RAB23: variants seen among roughly 807,000 people sequenced by gnomAD.
RAB23 encodes ras-related protein Rab-23.
RAB23 carries 15 observed loss-of-function variants against 30.0 expected under a neutral mutation model. The observed-to-expected ratio is 0.50, with a 90% CI of 0.33 to 0.77. The LOEUF is 0.77. Among genes scored for constraint, RAB23 ranks in the 30% least tolerant of loss-of-function variants. RAB23 has a pLI of 0.02. For missense variants in RAB23, 243 were observed against 275.4 expected (o/e 0.88, Z 0.83); for synonymous variants, 93 against 94.0 (o/e 0.99, Z 0.06).
In RAB23 at chr6:57,210,422, G is replaced by A; in HGVS notation, c.-42C>T. 1 of 1,585,790 alleles carries A rather than the reference G, an allele frequency of 6.3e-7. No homozygotes were observed. Among genetic ancestry groups the A allele is most frequent in the Non-Finnish European group, 8.7e-7 (1 of 1,155,048 alleles). The stretch of plus-strand genomic sequence containing the variant: ...GTTTCTGTACCAACTCTAATTCTAG[G>A]AGATCAGATCTTCCCTCTCAAATCT... On this transcript the variant is annotated 5_prime_UTR_variant, in exon 2 of 7. Transcript: ENST00000468148.
chr6:57,194,939 T>C lies in RAB23; in HGVS notation c.399-87A>G. ...ATCACTTTTAATTACATTTACTGAATACAGTTTGGCAGGGAAGGGAGGGAA... is the reference window on the plus strand; with the variant it reads ...ATCACTTTTAATTACATTTACTGAACACAGTTTGGCAGGGAAGGGAGGGAA... On this transcript the variant is annotated intron_variant, in intron 4 of 6. Transcript: ENST00000468148. 3.9e-6 allele frequency: 4 copies of C among 1,022,790 alleles called. No homozygotes were observed. The South Asian group carries it at 5.4e-5, about 14-fold the overall frequency. 63.4% of individuals were successfully genotyped at this position (1,022,790 alleles called of 1,614,324 possible).
chr6:57,197,132 T>TTTTA (rs1309015211), intron 3 of RAB23, among the ~76,000 whole-genome samples: 3 of 152,214 alleles, frequency 2.0e-5, no homozygotes, highest in African/African-American at 7.2e-5. Flanking sequence ...TTGTTCATTC[T>TTTTA]ATTCACTTTT....
intron 5 of RAB23, among the ~76,000 whole-genome samples, 199 bp downstream of exon 5, chr6:57,194,571 C>T (rs373238346): frequency 6.6e-6 from 1 of 151,708 alleles, no homozygotes; most frequent in Non-Finnish European, 1.5e-5. Context: ...GAAAACCTTA[C>T]GAGGATGAAA....
chr6:57,204,652 A>G (rs774980332), intron 3 of RAB23, among the ~76,000 whole-genome samples: 29 of 152,186 alleles, frequency 1.9e-4, no homozygotes, highest in Non-Finnish European at 3.5e-4. Context: ...GCAGAAAACA[A>G]AAGATTTAAG....
chr6:57,204,507 G>A (rs920634190), intron 3 of RAB23, among the ~76,000 whole-genome samples: 1 of 152,058 alleles, frequency 6.6e-6, no homozygotes, highest in African/African-American at 2.4e-5. Flanking sequence ...TGTTTAAAGA[G>A]ACTTTGAAAA....
Position 57,189,731 on chromosome 6 carries a change from T to C in RAB23, c.*730A>G, listed in dbSNP as rs1340281091. ...TCTGATAGTAAAGCACTATAAAAAT[T>C]AGGTATGATATTTTTGGCACAAAGC... On this transcript the variant is annotated 3_prime_UTR_variant, in exon 7 of 7. Coordinates refer to ENST00000468148, the MANE Select transcript of RAB23 (RefSeq NM_016277.5). 3 of 152,674 alleles carry C rather than the reference T, an allele frequency of 2.0e-5. No individual in the cohort carries two copies. The highest frequency in any genetic ancestry group is 2.9e-5 in the Non-Finnish European group (2 of 68,062). The allele number at this position is 152,674 out of a possible 1,614,324, so 9.5% of individuals were successfully genotyped here.
intron 3 of RAB23, among the ~76,000 whole-genome samples, chr6:57,198,081 A>G (rs1330785372): frequency 2.0e-5 from 3 of 152,042 alleles, no homozygotes; most frequent in African/African-American, 7.2e-5. Context: ...TGGCCTAAAA[A>G]CAGGTTTTAA....
intron 3 of RAB23, among the ~76,000 whole-genome samples, chr6:57,199,437 A>G (rs1189791191): frequency 2.6e-5 from 4 of 152,246 alleles, no homozygotes; most frequent in East Asian, 1.9e-4. Flanking sequence ...TCATGTCCCA[A>G]ATAAACGAGC....
chr6:57,203,539 C>G (rs945099511), intron 3 of RAB23, among the ~76,000 whole-genome samples: 1 of 152,128 alleles, frequency 6.6e-6, no homozygotes, highest in Non-Finnish European at 1.5e-5. Flanking sequence ...CTACTTCTTT[C>G]TGGTGTTTCC....
chr6:57,208,428 C>A (rs1342215626), intron 2 of RAB23, among the ~76,000 whole-genome samples: 1 of 151,816 alleles, frequency 6.6e-6, no homozygotes, highest in African/African-American at 2.4e-5. Flanking sequence ...GGGCGGATCA[C>A]TTGAGGCCAG....
At chr6:57,195,809 A>T (rs1050302001) in intron 4 of RAB23, among the ~76,000 whole-genome samples, 2 of 151,816 alleles carry the variant, frequency 1.3e-5, no homozygotes, top group African/African-American at 4.8e-5. Flanking sequence ...CCATTCTCAA[A>T]CTCCTGATCT....
intron 5 of RAB23, 83 bp from the exon 6 acceptor site, chr6:57,194,017 T>C: frequency 1.3e-6 from 2 of 1,525,738 alleles, no homozygotes; most frequent in Non-Finnish European, 1.8e-6. Flanking sequence ...GTAATATTTA[T>C]ACTTACTAAA....
chr6:57,206,651 A>G (rs1267069660), intron 3 of RAB23, among the ~76,000 whole-genome samples: 3 of 152,154 alleles, frequency 2.0e-5, no homozygotes, highest in African/African-American at 4.8e-5. Flanking sequence ...ATGGTGTGGA[A>G]GCAGCAGTGA....
At chr6:57,214,406 C>T (rs1233671429) in intron 1 of RAB23, among the ~76,000 whole-genome samples, 1 of 152,126 alleles carries the variant, frequency 6.6e-6, no homozygotes, top group Admixed American at 6.5e-5. Context: ...CCTCAACTTC[C>T]TGGGCTCAAG....
At chr6:57,208,335 T>C (rs1023013142) in intron 2 of RAB23, among the ~76,000 whole-genome samples, 11 of 151,952 alleles carry the variant, frequency 7.2e-5, no homozygotes, top group African/African-American at 2.4e-4. Context: ...TGTGATAAAA[T>C]GAGGATAAGA....
At chr6:57,196,746 C>T in intron 3 of RAB23, 140 bp from the exon 4 acceptor site, 1 of 1,011,098 alleles carries the variant, frequency 9.9e-7, no homozygotes, top group East Asian at 2.6e-5. Context: ...AAATGTTGAA[C>T]TCATCTTTGT....
At chr6:57,207,384 T>C (rs1310996473) in intron 3 of RAB23, among the ~76,000 whole-genome samples, 2 of 152,202 alleles carry the variant, frequency 1.3e-5, no homozygotes, top group Admixed American at 1.3e-4. Context: ...TGATTTGGTC[T>C]GGGAATGCCT....
intron 1 of RAB23, among the ~76,000 whole-genome samples, chr6:57,216,040 A>T (rs1424535242): frequency 1.3e-5 from 2 of 152,252 alleles, no homozygotes; most frequent in African/African-American, 4.8e-5. Flanking sequence ...TTAAAATTAC[A>T]ATGCCATATG....
At chr6:57,194,630 G>C in intron 5 of RAB23, 140 bp downstream of exon 5, 2 of 631,804 alleles carry the variant, frequency 3.2e-6, no homozygotes, top group East Asian at 5.6e-5. Flanking sequence ...AAAAGAAGTA[G>C]AAAGCCTTTA....
Sources: allele counts gnomAD v4.1 joint callset (sites outside exome capture counted in the v4.1 genomes callset), GRCh38; gene constraint gnomAD v4.1.1; transcripts MANE v1.5; gene names NCBI Gene and HGNC (gene_info 2026-07-23, HGNC 2026-07-21).